Variants in RHPN2 observed in about 807,000 individuals in gnomAD.
The protein encoded by RHPN2 is rhophilin Rho GTPase binding protein 2, also known as rhophilin-2.
A neutral mutation model predicts 79.0 loss-of-function variants in RHPN2; 40 were observed. The ratio of observed to expected loss-of-function variants is 0.51; its 90% confidence interval spans 0.39 to 0.66. RHPN2 has a LOEUF of 0.66. Ranked by LOEUF, RHPN2 falls within the 30% of genes least tolerant of loss-of-function variation. The probability of loss-of-function intolerance (pLI) is 0.00; values close to 1 mark genes in which losing one functional copy is unlikely to be tolerated. For synonymous variants in RHPN2, 285 were observed against 363.5 expected (o/e 0.78, Z 2.46); for missense variants, 686 against 883.5 (o/e 0.78, Z 2.83).
chr19:33,000,225 T>C (rs1280775607), intron 9 of RHPN2, among the ~76,000 whole-genome samples: 2 of 150,506 alleles, frequency 1.3e-5, no homozygotes, highest in Non-Finnish European at 3.0e-5. Context: ...TTCATAATTT[T>C]TTTTTTTTTT....
At chr19:33,054,524 G>A (rs559665947) in intron 1 of RHPN2, among the ~76,000 whole-genome samples, 9 of 152,208 alleles carry the variant, frequency 5.9e-5, no homozygotes, top group African/African-American at 2.2e-4. Flanking sequence ...ACAATCAAAT[G>A]GAAACCTGGC....
chr19:33,025,311 T>TAA (rs201499801), intron 3 of RHPN2, among the ~76,000 whole-genome samples: 11,121 of 130,738 alleles, frequency 0.085, 624 homozygotes, highest in African/African-American at 0.16. Flanking sequence ...TGTCTCTACT[T>TAA]AAAAAAAAAA....
intron 11 of RHPN2, among the ~76,000 whole-genome samples, chr19:32,994,973 A>G (rs1343767122): frequency 6.6e-6 from 1 of 152,132 alleles, no homozygotes; most frequent in Non-Finnish European, 1.5e-5. Flanking sequence ...ACAAACAAAC[A>G]AAAAAACCTA....
chr19:33,052,975 C>CCT (rs1568327043), intron 1 of RHPN2, among the ~76,000 whole-genome samples: 1 of 146,484 alleles, frequency 6.8e-6, no homozygotes, highest in African/African-American at 2.5e-5. Flanking sequence ...TGCTGAATAA[C>CCT]TTTTTTTTTT....
chr19:33,013,022 C>T (rs909573179), intron 4 of RHPN2, among the ~76,000 whole-genome samples: 1 of 149,094 alleles, frequency 6.7e-6, no homozygotes, highest in Non-Finnish European at 1.5e-5. Flanking sequence ...ATTACAGGCG[C>T]CCACCACAAT....
intron 14 of RHPN2, among the ~76,000 whole-genome samples, chr19:32,988,966 G>T (rs556182939): frequency 6.6e-6 from 1 of 152,316 alleles, no homozygotes; most frequent in African/African-American, 2.4e-5. Flanking sequence ...AGAGTGTCTG[G>T]CACCCAACTG....
intron 1 of RHPN2, among the ~76,000 whole-genome samples, chr19:33,061,671 A>G (rs1221435945): frequency 6.6e-6 from 1 of 151,880 alleles, no homozygotes; most frequent in African/African-American, 2.4e-5. Flanking sequence ...TTTAGTAGAG[A>G]CAGGGTTTCA....
chr19:32,980,020 G>C lies in RHPN2; in HGVS notation c.2037C>G (p.Leu679=). The C allele has an allele frequency of 1.2e-6, 2 of 1,613,926 alleles. No homozygotes were observed. The highest frequency in any genetic ancestry group is 1.7e-6 in the Non-Finnish European group (2 of 1,179,840). ...ATTAGTACCAAGAACTGTCTGAGTTGAGAAGGCTGAAAGGGGAGGGCAGCT... is the reference window on the plus strand; with the variant it reads ...ATTAGTACCAAGAACTGTCTGAGTTCAGAAGGCTGAAAGGGGAGGGCAGCT... The part of the protein sequence containing the change: ...KKKLPSPFSL[L]NSDSSWY The change falls in exon 15 of 15, where the codon CTC becomes CTG. Residue 679 remains leucine (L), a synonymous_variant. Coordinates refer to ENST00000254260, the MANE Select transcript of RHPN2 (RefSeq NM_033103.5).
At chr19:32,980,529 C>G (rs1971565927) in intron 14 of RHPN2, among the ~76,000 whole-genome samples, 1 of 152,058 alleles carries the variant, frequency 6.6e-6, no homozygotes, top group African/African-American at 2.4e-5. Context: ...CACTTGAACC[C>G]AGGAGGTGGA....
intron 9 of RHPN2, among the ~76,000 whole-genome samples, 153 bp downstream of exon 9, chr19:33,002,094 C>A (rs570248473): frequency 6.6e-6 from 1 of 152,092 alleles, no homozygotes; most frequent in Non-Finnish European, 1.5e-5. Flanking sequence ...ATGGCCTGTG[C>A]GGCAGCTGCC....
rs545643103 is a variant in RHPN2, at chr19:33,025,066, C to T, written c.314+1438G>A. 2.0e-5 allele frequency among the ~76,000 whole-genome samples: 3 copies of T among 152,096 alleles called. No individual in the cohort carries two copies. The South Asian group carries it at 6.2e-4, about 32-fold the overall frequency. ...AGGGGCATTTCTTTCATAGTTAGAT[C>T]TCCATTTTTGGAGATGTATTGCAAT... On this transcript the variant is annotated intron_variant, in intron 3 of 14. Transcript: ENST00000254260.
At chr19:32,996,734 A>G (rs1971705090) in intron 10 of RHPN2, among the ~76,000 whole-genome samples, 1 of 152,002 alleles carries the variant, frequency 6.6e-6, no homozygotes, top group African/African-American at 2.4e-5. Context: ...CCATAGTATA[A>G]AAGAAAATCT....
intron 1 of RHPN2, among the ~76,000 whole-genome samples, chr19:33,044,905 A>T (rs150100121): frequency 2.6e-4 from 39 of 152,284 alleles, no homozygotes; most frequent in Admixed American, 2.3e-3. Flanking sequence ...AAAAATAAAT[A>T]AATTAATTAA....
At chr19:33,064,650 C>A in intron 1 of RHPN2, 134 bp downstream of exon 1, 1 of 917,916 alleles carries the variant, frequency 1.1e-6, no homozygotes, top group Non-Finnish European at 1.6e-6. Context: ...GTCCGGCCAG[C>A]GCCGGCCCAG....
intron 3 of RHPN2, among the ~76,000 whole-genome samples, chr19:33,025,648 A>C (rs560956052): frequency 1.3e-5 from 2 of 152,352 alleles, no homozygotes; most frequent in African/African-American, 4.8e-5. Context: ...TACAGGGTCA[A>C]TTTTGGCCTT....
In RHPN2 at chr19:33,064,793, G is replaced by T. The variant is rs768517276; in HGVS notation, c.60C>A (p.Tyr20Ter). 8.4e-7 allele frequency: 1 copy of T among 1,188,808 alleles called. No homozygotes were observed. The highest frequency in any genetic ancestry group is 1.3e-5 in the South Asian group (1 of 77,446). The allele number at this position is 1,188,808 out of a possible 1,614,324, so 73.6% of individuals were successfully genotyped here. A position where few individuals can be genotyped will look rare whatever the true frequency, so the allele number is the denominator to read the frequency against. ...PQPLEKENDG[Y>*]FRKGCNPLAQ... is the part of the protein sequence containing the mutation. ...GCCCGAAGCCGCCCACCTTCCGAAAGTAGCCGTCGTTCTCCTTCTCCAGCG... is the reference window on the plus strand; with the variant it reads ...GCCCGAAGCCGCCCACCTTCCGAAATTAGCCGTCGTTCTCCTTCTCCAGCG... Residue 20 changes from tyrosine (Y) to a stop codon, truncating the protein, a stop_gained, in exon 1 of 15, where the codon TAC becomes TAA. Coordinates refer to ENST00000254260, the MANE Select transcript of RHPN2 (RefSeq NM_033103.5). LOFTEE classifies it high-confidence loss of function.
At chr19:32,985,103 A>G (rs1385124642) in intron 14 of RHPN2, among the ~76,000 whole-genome samples, 1 of 151,858 alleles carries the variant, frequency 6.6e-6, no homozygotes, top group Non-Finnish European at 1.5e-5. Flanking sequence ...GGTTCAAGCA[A>G]TTCTCCTGCC....
At chr19:33,040,409 T>G (rs754182777) in intron 2 of RHPN2, among the ~76,000 whole-genome samples, 15 of 151,684 alleles carry the variant, frequency 9.9e-5, no homozygotes, top group Non-Finnish European at 2.1e-4. Context: ...GCTAATTTTT[T>G]TATTTTTAGT....
At chr19:32,983,306 A>G (rs537584727) in intron 14 of RHPN2, among the ~76,000 whole-genome samples, 4 of 151,894 alleles carry the variant, frequency 2.6e-5, no homozygotes, top group Non-Finnish European at 5.9e-5. Context: ...AGGTCAGGAG[A>G]TTGAGACCAT....
Sources: allele counts gnomAD v4.1 joint callset (sites outside exome capture counted in the v4.1 genomes callset), GRCh38; gene constraint gnomAD v4.1.1; transcripts MANE v1.5; gene names NCBI Gene and HGNC (gene_info 2026-07-23, HGNC 2026-07-21).